The following DOCK3 variants were observed in gnomAD, a reference collection of about 807,000 sequenced individuals.
DOCK3 encodes the protein dedicator of cytokinesis 3, also known as dedicator of cytokinesis protein 3.
Under a neutral mutation model 265.6 loss-of-function variants are expected in DOCK3, and 60 were observed. The ratio of observed to expected loss-of-function variants is 0.23; its 90% confidence interval spans 0.18 to 0.28. The LOEUF (loss-of-function observed/expected upper bound fraction) is 0.28. DOCK3 is among the 10% of genes least tolerant of loss of function. The pLI is 1.00. For synonymous variants in DOCK3, 881 were observed against 938.0 expected (o/e 0.94, Z 1.11); for missense variants, 1,981 against 2,594.3 (o/e 0.76, Z 5.14).
chr3:51,115,835 G>T (rs1314069325), intron 9 of DOCK3, among the ~76,000 whole-genome samples: 1 of 152,094 alleles, frequency 6.6e-6, no homozygotes, highest in Non-Finnish European at 1.5e-5. Flanking sequence ...TCGTAAGGAA[G>T]GGATCCAGTT....
chr3:50,754,686 AG>A (rs2040049390), intron 1 of DOCK3, among the ~76,000 whole-genome samples: 1 of 151,820 alleles, frequency 6.6e-6, no homozygotes, highest in African/African-American at 2.4e-5. Context: ...AAGCCTCCCA[AG>A]TAGCTGGGAT....
chr3:51,228,536 G>A (rs1246450996), intron 17 of DOCK3, 125 bp from the exon 18 acceptor site: 1 of 1,035,288 alleles, frequency 9.7e-7, no homozygotes. Flanking sequence ...TCTTCCAAGA[G>A]GACCTGAGGC....
intron 12 of DOCK3, among the ~76,000 whole-genome samples, chr3:51,196,603 T>G (rs964530738): frequency 6.6e-6 from 1 of 152,248 alleles, no homozygotes; most frequent in African/African-American, 2.4e-5. Context: ...TATTTTTGTC[T>G]GACAGGATTA....
At chr3:51,169,235 GATATATACCC>G (rs1329413441) in intron 12 of DOCK3, among the ~76,000 whole-genome samples, 1 of 152,106 alleles carries the variant, frequency 6.6e-6, no homozygotes, top group African/African-American at 2.4e-5. Context: ...TCCATTACTG[GATATATACCC>G]AAAGAAATAT....
intron 21 of DOCK3, among the ~76,000 whole-genome samples, chr3:51,238,066 A>G (rs1576494999): frequency 6.8e-6 from 1 of 146,576 alleles, no homozygotes; most frequent in South Asian, 2.2e-4. Context: ...AGCATGGGTC[A>G]GAATTTCATT....
At chr3:51,053,078 GATAT>G (rs59382660) in intron 5 of DOCK3, among the ~76,000 whole-genome samples, 2,284 of 43,562 alleles carry the variant, frequency 0.052, 69 homozygotes, top group Non-Finnish European at 0.056. Context: ...AAAAGTCAAA[GATAT>G]ATATATATAT....
At chr3:51,180,545 GTCTTC>G (rs2087230551) in intron 12 of DOCK3, among the ~76,000 whole-genome samples, 1 of 152,022 alleles carries the variant, frequency 6.6e-6, no homozygotes, top group Non-Finnish European at 1.5e-5. Flanking sequence ...TCACGTTATT[GTCTTC>G]TCTTCTGTTT....
intron 5 of DOCK3, among the ~76,000 whole-genome samples, chr3:51,008,697 G>C (rs1226039919): frequency 6.6e-6 from 1 of 152,170 alleles, no homozygotes; most frequent in African/African-American, 2.4e-5. Flanking sequence ...TCTTGTGCCA[G>C]TTTTCAAAGG....
At chr3:51,351,026 A>C (rs762648392) in intron 40 of DOCK3, among the ~76,000 whole-genome samples, 2 of 152,226 alleles carry the variant, frequency 1.3e-5, no homozygotes, top group Non-Finnish European at 2.9e-5. Flanking sequence ...CTGAACTGGA[A>C]TATAAAAAGA....
intron 22 of DOCK3, among the ~76,000 whole-genome samples, chr3:51,258,991 AC>A (rs1418687090): frequency 1.3e-5 from 2 of 152,216 alleles, no homozygotes; most frequent in African/African-American, 2.4e-5. Context: ...ATATAGACAT[AC>A]TAGAGCAGTG....
At chr3:51,226,852 A>G (rs2108364676) in intron 15 of DOCK3, among the ~76,000 whole-genome samples, 2 of 152,346 alleles carry the variant, frequency 1.3e-5, no homozygotes, top group South Asian at 4.1e-4. Context: ...TGCCAGTCCA[A>G]TGTAGGACTG....
intron 27 of DOCK3, among the ~76,000 whole-genome samples, chr3:51,282,003 A>C (rs918945362): frequency 6.6e-6 from 1 of 152,184 alleles, no homozygotes; most frequent in Non-Finnish European, 1.5e-5. Flanking sequence ...AGCACACACA[A>C]ACAAAGGAGA....
intron 5 of DOCK3, among the ~76,000 whole-genome samples, chr3:50,985,904 C>T (rs898769135): frequency 1.3e-5 from 2 of 151,880 alleles, no homozygotes; most frequent in Non-Finnish European, 2.9e-5. Flanking sequence ...ATGTGACCCT[C>T]TTCTAAGATT....
intron 3 of DOCK3, among the ~76,000 whole-genome samples, chr3:50,886,415 A>C (rs539095256): frequency 6.6e-6 from 1 of 151,706 alleles, no homozygotes; most frequent in African/African-American, 2.4e-5. Flanking sequence ...AAAAAATTTT[A>C]TTATTATTAT....
intron 37 of DOCK3, 125 bp downstream of exon 37, chr3:51,339,153 T>A (rs1255333786): frequency 2.6e-6 from 2 of 778,880 alleles, no homozygotes; most frequent in Non-Finnish European, 3.9e-6. Flanking sequence ...GGGCTTGTGC[T>A]ATCCCCTCAC....
At chr3:50,923,681 C>T (rs1028528770) in intron 4 of DOCK3, among the ~76,000 whole-genome samples, 1 of 152,136 alleles carries the variant, frequency 6.6e-6, no homozygotes, top group African/African-American at 2.4e-5. Flanking sequence ...ATATTATGGA[C>T]ATTACAGACA....
At chr3:51,347,648 T>C (rs1272899503) in intron 38 of DOCK3, among the ~76,000 whole-genome samples, 119 of 152,336 alleles carry the variant, frequency 7.8e-4, no homozygotes, top group Non-Finnish European at 4.3e-4. Context: ...ATATGAACTT[T>C]AAAGTAGTTT....
At chr3:50,967,640 G>C (rs980710208) in intron 5 of DOCK3, among the ~76,000 whole-genome samples, 1 of 152,156 alleles carries the variant, frequency 6.6e-6, no homozygotes. Context: ...TACAATCATG[G>C]TGTCAGGGGA....
intron 27 of DOCK3, among the ~76,000 whole-genome samples, chr3:51,307,300 A>G (rs1032955252): frequency 2.6e-5 from 4 of 152,010 alleles, no homozygotes; most frequent in Non-Finnish European, 4.4e-5. Flanking sequence ...ATTTTTTGTA[A>G]AGATGGGGAT....
Sources: allele counts gnomAD v4.1 joint callset (sites outside exome capture counted in the v4.1 genomes callset), GRCh38; gene constraint gnomAD v4.1.1; transcripts MANE v1.5; gene names NCBI Gene and HGNC (gene_info 2026-07-23, HGNC 2026-07-21).